The following EFHB variants were observed in gnomAD, a reference collection of about 807,000 sequenced individuals.
EFHB encodes EF-hand domain family member B.
EFHB carries 91 observed loss-of-function variants against 87.2 expected under a neutral mutation model. The ratio of observed to expected loss-of-function variants is 1.04; its 90% CI spans 0.88 to 1.24. EFHB has a LOEUF of 1.24. EFHB is among the 50% of genes most tolerant of loss of function. The probability of loss-of-function intolerance (pLI) is 0.00; values close to 1 mark genes in which losing one functional copy is unlikely to be tolerated. For missense variants in EFHB, 1,084 were observed against 998.8 expected (o/e 1.09, Z -1.15); for synonymous variants, 325 against 333.6 (o/e 0.97, Z 0.28).
rs751777179 is a variant in EFHB at position 19,893,972 on chromosome 3, G to A, written c.1725+2715C>T. On this transcript the variant is annotated intron_variant, in intron 9 of 12. Coordinates refer to ENST00000295824, the MANE Select transcript of EFHB (RefSeq NM_144715.4). ...CAATGTTTACATATTGACAACAAAT[G>A]TGCTGTTTAAGTGAGCACAAATCTA... Among the ~76,000 whole-genome samples the A allele has an allele frequency of 1.5e-3, 233 of 152,174 alleles. 2 individuals are homozygous for A. The highest frequency in any genetic ancestry group is 2.1e-3 in the Non-Finnish European group (141 of 68,026).
chr3:19,910,581 T>A (rs1695019776), intron 5 of EFHB, among the ~76,000 whole-genome samples: 1 of 152,164 alleles, frequency 6.6e-6, no homozygotes, highest in South Asian at 2.1e-4. Context: ...CTGTTAATTG[T>A]AGAGCCCCAG....
At chr3:19,899,617 A>T in intron 6 of EFHB, 102 bp from the exon 7 acceptor site, 1 of 697,328 alleles carries the variant, frequency 1.4e-6, no homozygotes, top group Non-Finnish European at 2.2e-6. Context: ...TAGGCCTTCC[A>T]GGAACAAATG....
intron 9 of EFHB, among the ~76,000 whole-genome samples, chr3:19,895,182 T>C (rs1694438200): frequency 6.6e-6 from 1 of 151,238 alleles, no homozygotes; most frequent in Non-Finnish European, 1.5e-5. Flanking sequence ...GCTTAATTTA[T>C]CATAAGGAAT....
At position 19,880,949 on chromosome 3, in the gene EFHB, C is replaced by T. The variant is rs565228249; in HGVS notation, c.2329-1145G>A. On this transcript the variant is annotated intron_variant, in intron 12 of 12. Coordinates refer to ENST00000295824, the MANE Select transcript of EFHB (RefSeq NM_144715.4). ...AAAAGGGAAATGAAAAGGTTAGAAGCGAATAGCCAAAGAAATAAAATAGTT... is the reference window on the plus strand; with the variant it reads ...AAAAGGGAAATGAAAAGGTTAGAAGTGAATAGCCAAAGAAATAAAATAGTT... 5.9e-5 allele frequency among the ~76,000 whole-genome samples: 9 copies of T among 151,336 alleles called. No individual in the cohort carries two copies. The East Asian group carries it at 1.6e-3, about 26-fold the overall frequency.
At chr3:19,897,185 G>A (rs150315553) in intron 8 of EFHB, among the ~76,000 whole-genome samples, 2 of 152,342 alleles carry the variant, frequency 1.3e-5, no homozygotes, top group East Asian at 3.9e-4. Context: ...CAGTGCTGAG[G>A]ATCTGAAAGC....
chr3:19,896,608 T>C, intron 9 of EFHB, 79 bp downstream of exon 9: 1 of 1,576,216 alleles, frequency 6.3e-7, no homozygotes. Flanking sequence ...AGGCTATAGT[T>C]TGCTGACCCC....
intron 1 of EFHB, among the ~76,000 whole-genome samples, chr3:19,926,833 T>G (rs1445666895): frequency 6.6e-6 from 1 of 151,856 alleles, no homozygotes; most frequent in Non-Finnish European, 1.5e-5. Context: ...GCTAATTTTG[T>G]ATTTTTAGTA....
intron 5 of EFHB, among the ~76,000 whole-genome samples, chr3:19,908,378 C>G (rs4858712): frequency 0.19 from 28,137 of 151,672 alleles, 3,380 homozygotes; most frequent in Non-Finnish European, 0.27. Flanking sequence ...ACTAAAAATA[C>G]AGAAATTAGC....
rs747823390 is a variant in EFHB, at chr3:19,920,590, G to T, written c.790-23C>A. ...TGCCTTTGGGGGAAAAAAATGGGTT[G>T]ATCATTGCCAGGGTGGAAGAGGAGC... On this transcript the variant is annotated intron_variant, in intron 1 of 12. Coordinates refer to ENST00000295824, the MANE Select transcript of EFHB (RefSeq NM_144715.4). 18 of 1,577,422 alleles carry T rather than the reference G, an allele frequency of 1.1e-5. No individual in the cohort carries two copies. The East Asian group carries it at 4.2e-4, about 37-fold the overall frequency.
chr3:19,905,654 C>G lies in EFHB; in HGVS notation c.1384G>C (p.Ala462Pro). The G allele has an allele frequency of 6.2e-7, 1 of 1,613,772 alleles. No individual in the cohort carries two copies. Residue 462 changes from alanine (A) to proline (P), a missense_variant, in exon 6 of 13, where the codon GCA becomes CCA. Physicochemically the swap from Ala to Pro is conservative, Grantham distance 27. Coordinates refer to ENST00000295824, the MANE Select transcript of EFHB (RefSeq NM_144715.4). ...TPHFNDGRAM[A>P]KSLYWLHELQ... Reference sequence around the variant, plus strand: ...TCATGGAGCCAATATAGAGATTTTGCCATGGCTCGTCCATCATTAAAATGT... The same window carrying G: ...TCATGGAGCCAATATAGAGATTTTGGCATGGCTCGTCCATCATTAAAATGT...
chr3:19,901,845 G>A (rs916839978), intron 6 of EFHB, among the ~76,000 whole-genome samples: 3 of 151,918 alleles, frequency 2.0e-5, no homozygotes, highest in Non-Finnish European at 4.4e-5. Flanking sequence ...AGCTACTTGG[G>A]AGGCTGAGGC....
chr3:19,938,679 C>G (rs972714878), upstream of EFHB, among the ~76,000 whole-genome samples: 8 of 152,162 alleles, frequency 5.3e-5, no homozygotes, highest in Non-Finnish European at 1.5e-5. Context: ...TGGAATCTTG[C>G]AATCACCTTT....
intron 9 of EFHB, among the ~76,000 whole-genome samples, chr3:19,894,098 G>T (rs1694393836): frequency 6.6e-6 from 1 of 152,172 alleles, no homozygotes; most frequent in Non-Finnish European, 1.5e-5. Context: ...ATAGCTAGGA[G>T]CAAAAATCCC....
chr3:19,929,767 T>C (rs1695766383), intron 1 of EFHB, among the ~76,000 whole-genome samples: 1 of 151,906 alleles, frequency 6.6e-6, no homozygotes, highest in African/African-American at 2.4e-5. Context: ...AAAAGATCTT[T>C]TTGAAGTCTT....
intron 6 of EFHB, among the ~76,000 whole-genome samples, chr3:19,904,494 A>C (rs1404560164): frequency 6.6e-6 from 1 of 152,170 alleles, no homozygotes; most frequent in African/African-American, 2.4e-5. Context: ...ATATGCCACC[A>C]CACCCAGCCC....
chr3:19,926,951 C>G lies in EFHB; in HGVS notation c.789+6279G>C, dbSNP rs376405381. Among the ~76,000 whole-genome samples, 7 of 152,280 alleles carry G rather than the reference C, an allele frequency of 4.6e-5. No individual in the cohort carries two copies. The South Asian group carries it at 1.4e-3, about 32-fold the overall frequency. On this transcript the variant is annotated intron_variant, in intron 1 of 12. Transcript: ENST00000295824. ...CTGGGATTACAGGCATGAGCCACCC[C>G]GCCCGGACTTGTTTTTGTTTTTTAA...
chr3:19,924,218 T>C (rs111249781), intron 1 of EFHB, among the ~76,000 whole-genome samples: 53 of 145,936 alleles, frequency 3.6e-4, no homozygotes, highest in African/African-American at 1.0e-3. Flanking sequence ...CTCTCTCTCT[T>C]TTTTTTTTTT....
intron 10 of EFHB, among the ~76,000 whole-genome samples, chr3:19,885,566 A>G (rs1223214843): frequency 6.6e-6 from 1 of 152,222 alleles, no homozygotes; most frequent in Non-Finnish European, 1.5e-5. Flanking sequence ...GTTACTACAT[A>G]TATACCACTA....
intron 9 of EFHB, among the ~76,000 whole-genome samples, chr3:19,891,527 G>C (rs556521570): frequency 9.4e-4 from 143 of 152,250 alleles, no homozygotes; most frequent in African/African-American, 3.2e-3. Context: ...TAAACTAAAG[G>C]CCATTCTCAT....
Sources: allele counts gnomAD v4.1 joint callset (sites outside exome capture counted in the v4.1 genomes callset), GRCh38; gene constraint gnomAD v4.1.1; transcripts MANE v1.5; gene names NCBI Gene and HGNC (gene_info 2026-07-23, HGNC 2026-07-21).